EXT1: variants seen among roughly 807,000 people sequenced by gnomAD.
The protein encoded by EXT1 is exostosin glycosyltransferase 1.
Under a neutral mutation model 82.5 loss-of-function variants are expected in EXT1, and 20 were observed. That is an observed-to-expected ratio of 0.24 (90% CI 0.17 to 0.35). The LOEUF (loss-of-function observed/expected upper bound fraction) is 0.35. Among genes scored for constraint, EXT1 ranks in the 10% least tolerant of loss-of-function variants. The probability of loss-of-function intolerance (pLI) is 1.00; values close to 1 mark genes in which losing one functional copy is unlikely to be tolerated. For missense variants in EXT1, 757 were observed against 936.5 expected, an observed-to-expected ratio of 0.81 and a Z score of 2.50; for synonymous variants, 348 against 350.8, an observed-to-expected ratio of 0.99 and a Z score of 0.09.
chr8:117,853,252 T>C (rs1210083359), intron 1 of EXT1, among the ~76,000 whole-genome samples: 2 of 152,152 alleles, frequency 1.3e-5, no homozygotes, highest in African/African-American at 4.8e-5. Context: ...GATTAAAGAC[T>C]GGATGTCTGA....
intron 1 of EXT1, among the ~76,000 whole-genome samples, chr8:118,010,621 A>G (rs1406590357): frequency 6.6e-6 from 1 of 152,184 alleles, no homozygotes; most frequent in Non-Finnish European, 1.5e-5. Context: ...TCCTATGGAT[A>G]TTAGCATTCA....
chr8:117,991,784 A>C (rs1299318630), intron 1 of EXT1, among the ~76,000 whole-genome samples: 2 of 145,566 alleles, frequency 1.4e-5, no homozygotes, highest in African/African-American at 5.2e-5. Flanking sequence ...CTGGTCTTGA[A>C]CTCCTGACCT....
At chr8:118,027,151 T>C (rs986817068) in intron 1 of EXT1, among the ~76,000 whole-genome samples, 86 of 152,248 alleles carry the variant, frequency 5.6e-4, no homozygotes, top group African/African-American at 2.0e-3. Context: ...TTTAGAGAAA[T>C]TGCAAGCACT....
At chr8:118,065,506 C>T (rs1338792926) in intron 1 of EXT1, among the ~76,000 whole-genome samples, 1 of 152,136 alleles carries the variant, frequency 6.6e-6, no homozygotes, top group East Asian at 1.9e-4. Flanking sequence ...AAAAAGTTGT[C>T]AATTTTCTTC....
intron 1 of EXT1, among the ~76,000 whole-genome samples, chr8:118,048,759 A>G (rs951095292): frequency 6.6e-6 from 1 of 152,218 alleles, no homozygotes; most frequent in Non-Finnish European, 1.5e-5. Flanking sequence ...CTATGAGTGG[A>G]ATTAAATTAG....
At chr8:118,001,109 T>C (rs180846568) in intron 1 of EXT1, among the ~76,000 whole-genome samples, 1 of 152,348 alleles carries the variant, frequency 6.6e-6, no homozygotes, top group East Asian at 1.9e-4. Flanking sequence ...ATGAGTATTA[T>C]TAACTCTTCA....
At position 117,799,554 on chromosome 8, in the gene EXT1, A is replaced by C; in HGVS notation, c.*158T>G. 653 of 620,236 alleles carry C rather than the reference A, an allele frequency of 1.1e-3. No homozygotes were observed. The highest frequency in any genetic ancestry group is 1.6e-3 in the Non-Finnish European group (581 of 352,640). The allele number at this position is 620,236 out of a possible 1,614,324, so 38.4% of individuals were successfully genotyped here. On this transcript the variant is annotated 3_prime_UTR_variant, in exon 11 of 11. Coordinates refer to ENST00000378204, the MANE Select transcript of EXT1 (RefSeq NM_000127.3). ...GTGCAGTCCCAGGAGCCAGGAGTTG[A>C]GTTCTCATTGGCCTTTTTTTTTTTG... is the stretch of plus-strand genomic sequence containing the variant.
At position 118,110,746 on chromosome 8, in the gene EXT1, C is replaced by G. The variant is rs1350817754; in HGVS notation, c.301G>C (p.Glu101Gln). ...SIYKGKKCRM[E>Q]SCFDFTLCKK... is the part of the protein sequence containing the mutation. The stretch of plus-strand genomic sequence containing the variant: ...CAAAGGGTGAAATCGAAGCAGGACT[C>G]CATGCGGCACTTCTTGCCTTTGTAG... The change falls in exon 1 of 11, where the codon GAG becomes CAG. Residue 101 changes from glutamate (E) to glutamine (Q), a missense_variant. Around this residue, in one of 4 missense-constraint regions of EXT1, gnomAD observed 175 missense variants for 159.0 expected, o/e 1.10. Coordinates refer to ENST00000378204, the MANE Select transcript of EXT1 (RefSeq NM_000127.3). The G allele has an allele frequency of 1.2e-6, 2 of 1,614,046 alleles. No homozygotes were observed. The highest frequency in any genetic ancestry group is 1.7e-6 in the Non-Finnish European group (2 of 1,180,050).
intron 1 of EXT1, among the ~76,000 whole-genome samples, chr8:117,838,285 A>G (rs914509883): frequency 1.6e-4 from 25 of 152,204 alleles, no homozygotes; most frequent in African/African-American, 5.3e-4. Context: ...CTAATAGTCT[A>G]ATTTAATCAT....
chr8:117,827,642 C>G (rs984508271), intron 4 of EXT1, among the ~76,000 whole-genome samples: 1 of 151,762 alleles, frequency 6.6e-6, no homozygotes, highest in Admixed American at 6.6e-5. Context: ...TGGTGAAACC[C>G]CATCTCCATG....
intron 1 of EXT1, among the ~76,000 whole-genome samples, chr8:117,976,360 GGA>G (rs1469038363): frequency 6.6e-6 from 1 of 152,200 alleles, no homozygotes; most frequent in Non-Finnish European, 1.5e-5. Context: ...GTCCCAAACT[GGA>G]GACACGCATA....
intron 1 of EXT1, among the ~76,000 whole-genome samples, chr8:118,021,641 TC>T (rs1253309200): frequency 1.3e-5 from 2 of 152,168 alleles, no homozygotes; most frequent in Non-Finnish European, 2.9e-5. Flanking sequence ...TACAACAGAA[TC>T]GTTTCCCTGT....
intron 1 of EXT1, among the ~76,000 whole-genome samples, chr8:117,949,338 T>C (rs1055084456): frequency 6.6e-6 from 1 of 152,080 alleles, no homozygotes; most frequent in Admixed American, 6.6e-5. Context: ...GCATCCATCA[T>C]AAGCCTACAT....
intron 1 of EXT1, among the ~76,000 whole-genome samples, chr8:117,908,867 T>C (rs368920918): frequency 6.6e-6 from 1 of 151,934 alleles, no homozygotes; most frequent in Non-Finnish European, 1.5e-5. Flanking sequence ...TTCACGCCTA[T>C]AATCCGACCG....
In EXT1 at chr8:117,799,638, G is replaced by T; in HGVS notation, c.*74C>A. 2 of 1,535,098 alleles carry T rather than the reference G, an allele frequency of 1.3e-6. No homozygotes were observed. Among genetic ancestry groups the T allele is most frequent in the Non-Finnish European group, 1.8e-6 (2 of 1,108,776 alleles). On this transcript the variant is annotated 3_prime_UTR_variant, in exon 11 of 11. Coordinates refer to ENST00000378204, the MANE Select transcript of EXT1 (RefSeq NM_000127.3). ...CACAATCTGGCTCTGCTGATGAGTG[G>T]ATCTGCACTGGGAAGAGAGAGCAGC...
At chr8:117,837,732 G>A (rs564467399) in intron 1 of EXT1, among the ~76,000 whole-genome samples, 2 of 151,944 alleles carry the variant, frequency 1.3e-5, no homozygotes, top group Non-Finnish European at 2.9e-5. Flanking sequence ...AACCAAGAAC[G>A]TTCAGTTACC....
chr8:117,935,255 C>A (rs1224965486), intron 1 of EXT1, among the ~76,000 whole-genome samples: 1 of 151,682 alleles, frequency 6.6e-6, no homozygotes, highest in Non-Finnish European at 1.5e-5. Context: ...CATTTCTAAA[C>A]ACAGACACAG....
chr8:117,873,213 T>G lies in EXT1; in HGVS notation c.963-36012A>C, dbSNP rs555322385. 5.9e-5 allele frequency among the ~76,000 whole-genome samples: 9 copies of G among 152,306 alleles called. No individual in the cohort carries two copies. The East Asian group carries it at 1.7e-3, about 29-fold the overall frequency. On this transcript the variant is annotated intron_variant, in intron 1 of 10. Transcript: ENST00000378204. ...CCATGTTGGCACCCTGGTCTCGGACTCTGAGTCTCCACAACTGTGAAAAAT... is the reference window on the plus strand; with the variant it reads ...CCATGTTGGCACCCTGGTCTCGGACGCTGAGTCTCCACAACTGTGAAAAAT...
At chr8:118,020,953 AT>A (rs1294714574) in intron 1 of EXT1, among the ~76,000 whole-genome samples, 1 of 152,214 alleles carries the variant, frequency 6.6e-6, no homozygotes, top group Non-Finnish European at 1.5e-5. Context: ...CCAAATCTAC[AT>A]TCTTTAATGT....
Sources: allele counts gnomAD v4.1 joint callset (sites outside exome capture counted in the v4.1 genomes callset), GRCh38; gene constraint gnomAD v4.1.1; regional missense constraint gnomAD v4.1.1; transcripts MANE v1.5; gene names NCBI Gene and HGNC (gene_info 2026-07-23, HGNC 2026-07-21).